Variants in GFRA2 observed in about 807,000 individuals in gnomAD.
GFRA2 encodes the protein GDNF family receptor alpha-2.
A neutral mutation model predicts 48.3 loss-of-function variants in GFRA2; 17 were observed. The ratio of observed to expected loss-of-function variants is 0.35; its 90% CI spans 0.24 to 0.53. The LOEUF is 0.53. Ranked by LOEUF, GFRA2 falls within the 20% of genes least tolerant of loss-of-function variation. GFRA2 has a pLI of 0.93. For synonymous variants in GFRA2, 305 were observed against 257.2 expected, an observed-to-expected ratio of 1.19 and a Z score of -1.78; for missense variants, 660 against 637.3, an observed-to-expected ratio of 1.04 and a Z score of -0.38.
intron 4 of GFRA2, among the ~76,000 whole-genome samples, chr8:21,739,978 G>T (rs960614117): frequency 1.3e-5 from 2 of 152,220 alleles, no homozygotes; most frequent in Admixed American, 6.5e-5. Flanking sequence ...TGAGTTGGTG[G>T]CAGCCATATC....
intron 6 of GFRA2, among the ~76,000 whole-genome samples, chr8:21,703,279 G>A (rs796951156): frequency 4.8e-4 from 73 of 152,198 alleles, no homozygotes; most frequent in African/African-American, 1.7e-3. Context: ...GGGATGCAGG[G>A]GAGCCTAGGG....
At chr8:21,753,366 G>C in intron 3 of GFRA2, among the ~76,000 whole-genome samples, 1 of 152,214 alleles carries the variant, frequency 6.6e-6, no homozygotes, top group Non-Finnish European at 1.5e-5. Context: ...CCAGCACTTT[G>C]GGAGGCCGAG....
chr8:21,769,816 C>T (rs1806361524), intron 3 of GFRA2, among the ~76,000 whole-genome samples: 2 of 152,082 alleles, frequency 1.3e-5, no homozygotes, highest in Non-Finnish European at 2.9e-5. Flanking sequence ...TCTCAGAGGC[C>T]GTATGCAAGG....
chr8:21,743,039 G>A (rs951501476), intron 4 of GFRA2, among the ~76,000 whole-genome samples: 4 of 152,208 alleles, frequency 2.6e-5, no homozygotes, highest in Non-Finnish European at 5.9e-5. Context: ...CTTTAGTAAA[G>A]TAATATCCAG....
chr8:21,773,931 AGGAC>A (rs1361163477), intron 3 of GFRA2, among the ~76,000 whole-genome samples: 7 of 152,226 alleles, frequency 4.6e-5, no homozygotes, highest in Non-Finnish European at 1.0e-4. Context: ...TCAGACTCAC[AGGAC>A]GGCTCCTCCC....
rs1802406159 is a variant in GFRA2, at chr8:21,700,257, A to ATGGGCCGGG, written c.1218+2547_1218+2548insCCCGGCCCA. Among the ~76,000 whole-genome samples the ATGGGCCGGG allele has an allele frequency of 1.3e-4, 19 of 151,916 alleles. No individual in the cohort carries two copies. In the South Asian group the frequency reaches 3.7e-3, roughly 30 times the overall value. ...TTCAGACAAGGTATATATTTAATATACCAGAAGGCCCCAGGAGAGACCATT... is the reference window on the plus strand; with the variant it reads ...TTCAGACAAGGTATATATTTAATATATGGGCCGGGCCAGAAGGCCCCAGGAGAGACCATT... On this transcript the variant is annotated intron_variant, in intron 7 of 8. Coordinates refer to ENST00000524240, the MANE Select transcript of GFRA2 (RefSeq NM_001495.5).
chr8:21,771,262 C>A (rs1806424835), intron 3 of GFRA2, among the ~76,000 whole-genome samples: 1 of 152,180 alleles, frequency 6.6e-6, no homozygotes, highest in Non-Finnish European at 1.5e-5. Context: ...GCTCAAGGCC[C>A]GTGCTCTTCC....
At chr8:21,720,062 A>G (rs1284389301) in intron 4 of GFRA2, among the ~76,000 whole-genome samples, 1 of 152,198 alleles carries the variant, frequency 6.6e-6, no homozygotes, top group Non-Finnish European at 1.5e-5. Flanking sequence ...CAACTTCCAC[A>G]GAATGTGTTT....
chr8:21,811,787 G>T (rs1396612750), intron 1 of GFRA2, among the ~76,000 whole-genome samples: 10 of 138,198 alleles, frequency 7.2e-5, no homozygotes, highest in African/African-American at 2.4e-4. Flanking sequence ...CTTGGCTCTT[G>T]TTTTCTTTTA....
chr8:21,747,224 A>C (rs73219544), intron 4 of GFRA2, among the ~76,000 whole-genome samples: 30,038 of 152,108 alleles, frequency 0.2, 3,053 homozygotes, highest in Middle Eastern at 0.25. Context: ...TCAGAAGAAG[A>C]AGCGAATGTG....
Position 21,782,569 on chromosome 8 carries a change from C to T in GFRA2, c.355+16G>A. The T allele has an allele frequency of 1.9e-6, 3 of 1,548,468 alleles. No individual in the cohort carries two copies. Among genetic ancestry groups the T allele is most frequent in the Non-Finnish European group, 2.6e-6 (3 of 1,143,688 alleles). On this transcript the variant is annotated intron_variant, in intron 2 of 8. Transcript: ENST00000524240. ...GCCACACCCCCTCCCCTTGGGCAAGCCCCGCCCAGGCTTACCCTCGGTCAG... is the reference window on the plus strand; with the variant it reads ...GCCACACCCCCTCCCCTTGGGCAAGTCCCGCCCAGGCTTACCCTCGGTCAG...
intron 7 of GFRA2, among the ~76,000 whole-genome samples, chr8:21,700,000 C>T (rs897403334): frequency 1.3e-5 from 2 of 152,164 alleles, no homozygotes; most frequent in Non-Finnish European, 2.9e-5. Flanking sequence ...GAGCCCAGAG[C>T]AGGCGGAAGG....
chr8:21,709,806 G>A (rs1802927753), intron 4 of GFRA2, among the ~76,000 whole-genome samples: 1 of 152,156 alleles, frequency 6.6e-6, no homozygotes. Context: ...GAACCCTCAG[G>A]ACCTCGACTG....
rs1017331229 is a variant in GFRA2 at position 21,731,039 on chromosome 8, C to T, written c.794+19549G>A. Among the ~76,000 whole-genome samples, 5 of 152,040 alleles carry T rather than the reference C, an allele frequency of 3.3e-5. No individual in the cohort carries two copies. The East Asian group carries it at 9.7e-4, about 29-fold the overall frequency. On this transcript the variant is annotated intron_variant, in intron 4 of 8. Coordinates refer to ENST00000524240, the MANE Select transcript of GFRA2 (RefSeq NM_001495.5). ...TCGTGTTGCGGACACTAACTCGGCT[C>T]GCGTGTCCCCTCATTTGAAAGGGGC...
At position 21,690,408 on chromosome 8, in the gene GFRA2, A is replaced by G. The variant is rs1801843511; in HGVS notation, c.*2870T>C. 6.6e-6 allele frequency: 1 copy of G among 152,242 alleles called. No individual in the cohort carries two copies. The highest frequency in any genetic ancestry group is 2.4e-5 in the African/African-American group (1 of 41,468). The allele number at this position is 152,242 out of a possible 1,614,324, so 9.4% of individuals were successfully genotyped here. A position where few individuals can be genotyped will look rare whatever the true frequency, so the allele number is the denominator to read the frequency against. On this transcript the variant is annotated 3_prime_UTR_variant, in exon 9 of 9. Coordinates refer to ENST00000524240, the MANE Select transcript of GFRA2 (RefSeq NM_001495.5). The stretch of plus-strand genomic sequence containing the variant: ...CACCATTAAATTAACTAACATTAAG[A>G]TAGCAACAATTTATTCTTCTAGTTC...
At chr8:21,807,509 AACTGGGT>A (rs774707020) in intron 1 of GFRA2, among the ~76,000 whole-genome samples, 1 of 152,222 alleles carries the variant, frequency 6.6e-6, no homozygotes, top group Non-Finnish European at 1.5e-5. Context: ...AAGTACTGTA[AACTGGGT>A]AGCTTAAATG....
chr8:21,703,906 C>T (rs1401714899), intron 6 of GFRA2, among the ~76,000 whole-genome samples: 2 of 152,278 alleles, frequency 1.3e-5, no homozygotes, highest in African/African-American at 4.8e-5. Flanking sequence ...TGCCTCACAA[C>T]ACAGGCAGAT....
intron 2 of GFRA2, among the ~76,000 whole-genome samples, chr8:21,782,279 A>T (rs1483114726): frequency 2.9e-5 from 3 of 104,700 alleles, no homozygotes; most frequent in South Asian, 3.3e-4. Context: ...ACCCCTGCTC[A>T]CCTCCCCCAC....
At chr8:21,786,169 T>C (rs1807259186) in intron 1 of GFRA2, among the ~76,000 whole-genome samples, 1 of 152,090 alleles carries the variant, frequency 6.6e-6, no homozygotes, top group Admixed American at 6.6e-5. Flanking sequence ...TTGCAGACAT[T>C]GGGTTGGGCC....
Sources: gnomAD v4.1 joint callset for allele counts (sites outside exome capture counted in the v4.1 genomes callset) on GRCh38, gnomAD v4.1.1 for gene constraint, MANE v1.5 for transcripts, NCBI Gene and HGNC (gene_info 2026-07-23, HGNC 2026-07-21) for gene names.